CCSER1: variants seen among roughly 807,000 people sequenced by gnomAD.
The protein encoded by CCSER1 is coiled-coil serine rich protein 1.
CCSER1 carries 41 observed loss-of-function variants against 82.0 expected under a neutral mutation model. The ratio of observed to expected loss-of-function variants is 0.50; its 90% confidence interval spans 0.39 to 0.65. The LOEUF is 0.65. Among genes scored for constraint, CCSER1 ranks in the 30% least tolerant of loss-of-function variants. The pLI is 0.00. For synonymous variants in CCSER1, 414 were observed against 383.9 expected, an observed-to-expected ratio of 1.08 and a Z score of -0.92; for missense variants, 1,119 against 1,064.2, an observed-to-expected ratio of 1.05 and a Z score of -0.72.
intron 8 of CCSER1, among the ~76,000 whole-genome samples, chr4:90,842,875 T>TC (rs1177236648): frequency 6.6e-6 from 1 of 150,796 alleles, no homozygotes; most frequent in Non-Finnish European, 1.5e-5. Context: ...GTTCCCTTTC[T>TC]CCCAAAAATT....
rs1435541718 is a variant in CCSER1, at chr4:91,226,077, C to G, written c.2217+140083C>G. 2.0e-5 allele frequency among the ~76,000 whole-genome samples: 3 copies of G among 151,880 alleles called. No homozygotes were observed. In the East Asian group the frequency reaches 5.8e-4, roughly 29 times the overall value. ...TGTGCAGGTTAGTTACATATGTATACAAGTGCGATGTTGGTGTGCTGCACC... is the reference window on the plus strand; with the variant it reads ...TGTGCAGGTTAGTTACATATGTATAGAAGTGCGATGTTGGTGTGCTGCACC... On this transcript the variant is annotated intron_variant, in intron 10 of 10. Coordinates refer to ENST00000509176, the MANE Select transcript of CCSER1 (RefSeq NM_001145065.2).
intron 6 of CCSER1, among the ~76,000 whole-genome samples, chr4:90,658,900 TTAAG>T (rs1237897566): frequency 6.6e-6 from 1 of 152,204 alleles, no homozygotes; most frequent in African/African-American, 2.4e-5. Flanking sequence ...GTTATATAGT[TTAAG>T]TAACTTGAAA....
At chr4:90,606,913 T>TA (rs1784799449) in intron 5 of CCSER1, among the ~76,000 whole-genome samples, 1 of 152,220 alleles carries the variant, frequency 6.6e-6, no homozygotes, top group Admixed American at 6.5e-5. Flanking sequence ...CCACACCAAA[T>TA]AGTTATCTTT....
At chr4:90,313,591 C>T (rs182433329) in intron 3 of CCSER1, among the ~76,000 whole-genome samples, 12 of 152,140 alleles carry the variant, frequency 7.9e-5, no homozygotes, top group Non-Finnish European at 1.6e-4. Flanking sequence ...ATTCCTGGTC[C>T]AAATTGTAGA....
chr4:90,756,105 G>A (rs544075617), intron 7 of CCSER1, among the ~76,000 whole-genome samples: 1 of 152,204 alleles, frequency 6.6e-6, no homozygotes, highest in African/African-American at 2.4e-5. Flanking sequence ...GCAGGCACCT[G>A]TAATCCCAGC....
At chr4:91,273,417 T>C (rs920739486) in intron 10 of CCSER1, among the ~76,000 whole-genome samples, 4 of 152,106 alleles carry the variant, frequency 2.6e-5, no homozygotes, top group African/African-American at 9.7e-5. Context: ...GGTTGCTGTT[T>C]GTGTATAGAA....
At chr4:91,217,034 G>A (rs952704612) in intron 10 of CCSER1, among the ~76,000 whole-genome samples, 6 of 152,078 alleles carry the variant, frequency 3.9e-5, no homozygotes, top group Non-Finnish European at 5.9e-5. Context: ...AAGGTGGCGC[G>A]TCGCGAGTCT....
chr4:90,801,553 G>T (rs140785012), intron 7 of CCSER1, among the ~76,000 whole-genome samples: 17 of 152,218 alleles, frequency 1.1e-4, no homozygotes, highest in African/African-American at 4.1e-4. Context: ...AATCTTAGGA[G>T]ATATGCCACT....
intron 5 of CCSER1, among the ~76,000 whole-genome samples, chr4:90,481,370 C>T (rs1318786365): frequency 6.6e-6 from 1 of 152,156 alleles, no homozygotes; most frequent in South Asian, 2.1e-4. Context: ...ATTTCCTTCT[C>T]CTGCCTGATT....
intron 6 of CCSER1, among the ~76,000 whole-genome samples, chr4:90,715,674 G>A (rs540404577): frequency 2.6e-5 from 4 of 151,992 alleles, no homozygotes; most frequent in South Asian, 2.1e-4. Context: ...GTTTACCTTC[G>A]GATCTGTACT....
chr4:90,212,772 A>G (rs1170949600), intron 1 of CCSER1, among the ~76,000 whole-genome samples: 1 of 152,218 alleles, frequency 6.6e-6, no homozygotes, highest in Non-Finnish European at 1.5e-5. Context: ...ATTTTATGTA[A>G]GATGTTCACA....
intron 1 of CCSER1, among the ~76,000 whole-genome samples, chr4:90,131,467 A>G (rs1722817205): frequency 6.6e-6 from 1 of 152,176 alleles, no homozygotes; most frequent in Non-Finnish European, 1.5e-5. Flanking sequence ...TATTTCCCTA[A>G]GCAAATCTTT....
chr4:90,253,808 G>T (rs971975825), intron 1 of CCSER1, among the ~76,000 whole-genome samples: 9 of 152,046 alleles, frequency 5.9e-5, no homozygotes, highest in Non-Finnish European at 1.3e-4. Flanking sequence ...ATTTTAGTTA[G>T]TCTCTTTTTG....
intron 5 of CCSER1, among the ~76,000 whole-genome samples, chr4:90,516,604 C>T (rs1326794734): frequency 1.3e-5 from 2 of 152,140 alleles, no homozygotes; most frequent in Admixed American, 6.6e-5. Context: ...ACCTTCTGCC[C>T]TTTCATCTCC....
chr4:90,425,626 A>C (rs1757418185), intron 4 of CCSER1, among the ~76,000 whole-genome samples: 2 of 152,174 alleles, frequency 1.3e-5, no homozygotes, highest in South Asian at 4.1e-4. Flanking sequence ...TCTAGCCTCT[A>C]TCTCCAGTTT....
chr4:91,394,790 T>C (rs548247390), intron 10 of CCSER1, among the ~76,000 whole-genome samples: 55 of 151,788 alleles, frequency 3.6e-4, no homozygotes, highest in Non-Finnish European at 6.6e-4. Flanking sequence ...CAAAAAACCT[T>C]CTAGATGTAT....
intron 10 of CCSER1, among the ~76,000 whole-genome samples, chr4:91,533,684 G>A (rs1761148302): frequency 6.6e-6 from 1 of 151,692 alleles, no homozygotes; most frequent in Non-Finnish European, 1.5e-5. Context: ...CCTTTTGTTT[G>A]ATTTAATGCA....
chr4:91,308,876 A>G (rs1745252669), intron 10 of CCSER1, among the ~76,000 whole-genome samples: 1 of 152,008 alleles, frequency 6.6e-6, no homozygotes, highest in South Asian at 2.1e-4. Context: ...ATAATTTGTA[A>G]TTTTCTATGA....
intron 5 of CCSER1, among the ~76,000 whole-genome samples, chr4:90,535,180 CTAT>C (rs1300093475): frequency 6.6e-6 from 1 of 151,684 alleles, no homozygotes; most frequent in Non-Finnish European, 1.5e-5. Flanking sequence ...TATCTAGAAC[CTAT>C]TAATATTTGA....
Sources: allele counts gnomAD v4.1 joint callset (sites outside exome capture counted in the v4.1 genomes callset), GRCh38; gene constraint gnomAD v4.1.1; transcripts MANE v1.5; gene names NCBI Gene and HGNC (gene_info 2026-07-23, HGNC 2026-07-21).